Variants in NBPF12 observed in about 807,000 individuals in gnomAD.
NBPF12 encodes the protein NBPF family member NBPF12.
A neutral mutation model predicts 146.4 loss-of-function variants in NBPF12; 115 were observed. The observed-to-expected ratio is 0.79, with a 90% confidence interval of 0.68 to 0.92. The LOEUF (loss-of-function observed/expected upper bound fraction) is 0.92. Ranked by LOEUF, NBPF12 falls within the 40% of genes least tolerant of loss-of-function variation. The probability of loss-of-function intolerance (pLI) is 0.00; values close to 1 mark genes in which losing one functional copy is unlikely to be tolerated. For synonymous variants in NBPF12, 385 were observed against 508.9 expected, an observed-to-expected ratio of 0.76 and a Z score of 3.28; for missense variants, 1,205 against 1,326.8, an observed-to-expected ratio of 0.91 and a Z score of 1.43.
intron 2 of NBPF12, 111 bp downstream of exon 2, chr1:146,943,673 G>C (rs1553883055): frequency 0.079 from 51,011 of 646,334 alleles, 2,876 homozygotes; most frequent in Admixed American, 0.25. Context: ...AGGGCCTTGC[G>C]TGGCATCAAA....
intron 13 of NBPF12, among the ~76,000 whole-genome samples, chr1:146,971,946 G>A (rs1656657009): frequency 6.7e-6 from 1 of 148,324 alleles, no homozygotes. Context: ...AAATTAGCTG[G>A]GCGCGGTGTT....
At chr1:146,994,874 A>G (rs587772277) in exon 34 of NBPF12, 454 of 495,268 alleles carry the variant, frequency 9.2e-4, no homozygotes, top group Admixed American at 1.2e-3. Flanking sequence ...CAGGGATTTC[A>G]TTTTGCAGGC....
In NBPF12 at chr1:146,960,272, T is replaced by C. The variant is rs1219338110; in HGVS notation, c.129T>C (p.Phe43=). Residue 43 remains phenylalanine (F), a synonymous_variant, in exon 4 of 34, where the codon TTT becomes TTC. Transcript: ENST00000617844. ...TCAGAAACCTCAAAGAGAGATGTTT[T>C]CTAACTCAACTGGCCGGCTTCCTGG... is the stretch of plus-strand genomic sequence containing the variant. The C allele has an allele frequency of 2.3e-3, 3,157 of 1,397,224 alleles. 64 individuals are homozygous for C. The African/African-American group carries it at 0.041, about 18-fold the overall frequency. 86.6% of individuals were successfully genotyped at this position (1,397,224 alleles called of 1,614,324 possible).
chr1:146,970,681 TGAG>T lies in NBPF12; in HGVS notation c.1347_1349del (p.Glu449del), dbSNP rs1475545948. The T allele has an allele frequency of 1.3e-3, 1,878 of 1,443,614 alleles. 12 individuals carry two copies. Among genetic ancestry groups the T allele is most frequent in the Non-Finnish European group, 1.5e-3 (1,526 of 1,027,812 alleles). The allele number at this position is 1,443,614 out of a possible 1,614,324, so 89.4% of individuals were successfully genotyped here. ...AAGATGAGGATGAAGATGTTCAAGT[TGAG>T]GAGGATGAGAAAGTGCTGGAATCAT... On this transcript the variant is annotated inframe_deletion, in exon 12 of 34. Coordinates refer to ENST00000617844, the Ensembl canonical transcript of NBPF12.
At chr1:146,956,265 A>G (rs1480197707) in intron 2 of NBPF12, among the ~76,000 whole-genome samples, 2 of 151,996 alleles carry the variant, frequency 1.3e-5, no homozygotes, top group Admixed American at 6.6e-5. Flanking sequence ...ACACAAAAGA[A>G]CACAGGTATC....
intron 2 of NBPF12, among the ~76,000 whole-genome samples, chr1:146,959,116 C>A (rs1655723242): frequency 1.0e-5 from 1 of 98,302 alleles, no homozygotes; most frequent in Non-Finnish European, 2.1e-5. Flanking sequence ...TATTACTTGG[C>A]CAAAACAAAA....
chr1:146,964,366 A>C, exon 7 of NBPF12: 2 of 1,602,628 alleles, frequency 1.2e-6, no homozygotes, highest in Non-Finnish European at 8.5e-7. Flanking sequence ...GAAAATGATG[A>C]AGATGAGGAT....
intron 14 of NBPF12, among the ~76,000 whole-genome samples, chr1:146,973,978 T>G (rs1553886955): frequency 0.026 from 3,980 of 150,430 alleles, 256 homozygotes; most frequent in African/African-American, 0.078. Flanking sequence ...TCCATCCAAG[T>G]TGCTTGTCTT....
chr1:146,944,471 C>T (rs1443246582), upstream of NBPF12, among the ~76,000 whole-genome samples: 1 of 147,472 alleles, frequency 6.8e-6, no homozygotes, highest in Non-Finnish European at 1.5e-5. Flanking sequence ...GAGGCCCCCA[C>T]CTGCAGCCGG....
At chr1:146,964,310 C>G in intron 6 of NBPF12, 47 bp from the exon 10 acceptor site, 1 of 1,597,996 alleles carries the variant, frequency 6.3e-7, no homozygotes, top group South Asian at 1.1e-5. Context: ...ACTGTGCTTG[C>G]AGAATGTGAA....
intron 4 of NBPF12, among the ~76,000 whole-genome samples, 157 bp from the exon 8 acceptor site, chr1:146,962,004 A>G (rs1479597644): frequency 6.6e-6 from 1 of 152,178 alleles, no homozygotes; most frequent in African/African-American, 2.4e-5. Context: ...CCAGAAAGTC[A>G]GGAGACTGAA....
chr1:146,949,751 G>A (rs1191358538), intron 1 of NBPF12, among the ~76,000 whole-genome samples: 181 of 151,034 alleles, frequency 1.2e-3, no homozygotes, highest in African/African-American at 4.4e-3. Flanking sequence ...TCTTGTTTGT[G>A]GGGGACTGAG....
exon 34 of NBPF12, chr1:146,994,762 G>A (rs587694607): frequency 1.6e-5 from 16 of 990,422 alleles, no homozygotes; most frequent in Admixed American, 8.6e-5. Flanking sequence ...ATGGACCCAC[G>A]TTAGGTGTGA....
At chr1:146,950,881 A>G (rs1402604611) in intron 1 of NBPF12, among the ~76,000 whole-genome samples, 6 of 152,118 alleles carry the variant, frequency 3.9e-5, no homozygotes, top group African/African-American at 1.2e-4. Flanking sequence ...ATTCTTGTAT[A>G]TATCATTTTC....
chr1:146,994,672 A>G lies in NBPF12; in HGVS notation c.*97A>G, dbSNP rs1393211954. On this transcript the variant is annotated 3_prime_UTR_variant, in exon 34 of 34. Coordinates refer to ENST00000617844, the Ensembl canonical transcript of NBPF12. ...ACTATAGTTCCATTTGGAAGCCCAG[A>G]CATAGGATGGGTCAGTGGGCATGGC... 30 of 1,559,316 alleles carry G rather than the reference A, an allele frequency of 1.9e-5. 1 individual carries two copies. In the South Asian group the frequency reaches 2.4e-4, roughly 13 times the overall value.
At chr1:146,973,983 T>C (rs1451189543) in intron 14 of NBPF12, among the ~76,000 whole-genome samples, 1 of 150,814 alleles carries the variant, frequency 6.6e-6, no homozygotes, top group Non-Finnish European at 1.5e-5. Context: ...CCAAGTTGCT[T>C]GTCTTGTCTG....
chr1:146,967,520 A>G (rs1173109665), intron 9 of NBPF12, among the ~76,000 whole-genome samples: 3 of 149,876 alleles, frequency 2.0e-5, no homozygotes, highest in Non-Finnish European at 4.4e-5. Context: ...AATGATAAAT[A>G]AAAATAAGAA....
exon 5 of NBPF12, chr1:146,962,221 A>G: frequency 1.2e-6 from 2 of 1,608,116 alleles, no homozygotes; most frequent in South Asian, 2.2e-5. Context: ...CAGTTCAAGG[A>G]GGAGAAGCTT....
rs1302847275 is a variant in NBPF12, at chr1:146,984,965, G to C, written c.2819G>C (p.Gly940Ala). The change falls in exon 22 of 34, where the codon GGC becomes GCC. Residue 940 changes from glycine (G) to alanine (A), a missense_variant. Transcript: ENST00000617844. ...TACGTATTGGAGCAACAGCGTGTTG[G>C]CTTGGCTGTTGACATGGATGGTGAG... 131 of 1,392,800 alleles carry C rather than the reference G, an allele frequency of 9.4e-5. No individual in the cohort carries two copies. The African/African-American group carries it at 1.6e-3, about 17-fold the overall frequency. 86.3% of individuals were successfully genotyped at this position (1,392,800 alleles called of 1,614,324 possible).
Sources: allele counts gnomAD v4.1 joint callset (sites outside exome capture counted in the v4.1 genomes callset), GRCh38; gene constraint gnomAD v4.1.1; transcripts MANE v1.5; gene names NCBI Gene and HGNC (gene_info 2026-07-23, HGNC 2026-07-21).